The following FMN2 variants were observed in gnomAD, a reference collection of about 807,000 sequenced individuals.
FMN2 encodes the protein formin-2.
Under a neutral mutation model 142.3 loss-of-function variants are expected in FMN2, and 51 were observed. The ratio of observed to expected loss-of-function variants is 0.36; its 90% CI spans 0.29 to 0.45. The LOEUF is 0.45. Among genes scored for constraint, FMN2 ranks in the 20% least tolerant of loss-of-function variants. The probability of loss-of-function intolerance (pLI) is 1.00; values close to 1 mark genes in which losing one functional copy is unlikely to be tolerated. For synonymous variants in FMN2, 882 were observed against 869.8 expected (o/e 1.01, Z -0.25); for missense variants, 1,936 against 2,122.8 (o/e 0.91, Z 1.73).
intron 4 of FMN2, among the ~76,000 whole-genome samples, chr1:240,189,988 A>C (rs889473753): frequency 5.3e-5 from 8 of 152,178 alleles, no homozygotes; most frequent in African/African-American, 1.9e-4. Context: ...ACATACGATA[A>C]TGTCAAAGAG....
At chr1:240,402,502 A>G (rs1674025695) in intron 15 of FMN2, among the ~76,000 whole-genome samples, 1 of 152,262 alleles carries the variant, frequency 6.6e-6, no homozygotes, top group Non-Finnish European at 1.5e-5. Context: ...TGCAAAGCAG[A>G]TGAATATATT....
At chr1:240,187,226 C>T (rs1436702709) in intron 3 of FMN2, among the ~76,000 whole-genome samples, 4 of 141,678 alleles carry the variant, frequency 2.8e-5, no homozygotes, top group Non-Finnish European at 6.0e-5. Flanking sequence ...GCCAAGATCG[C>T]GCCGTTGCAC....
At chr1:240,314,080 A>G (rs1423854015) in intron 8 of FMN2, among the ~76,000 whole-genome samples, 1 of 152,202 alleles carries the variant, frequency 6.6e-6, no homozygotes, top group African/African-American at 2.4e-5. Context: ...AGATGCTGGT[A>G]TCTATTACTG....
At chr1:240,266,994 G>A (rs2883882) in intron 7 of FMN2, among the ~76,000 whole-genome samples, 37,567 of 151,904 alleles carry the variant, frequency 0.25, 5,445 homozygotes, top group East Asian at 0.52. Context: ...TGTAAGAGTC[G>A]TACAAGAAAA....
chr1:240,220,260 C>T (rs904640076), intron 6 of FMN2, among the ~76,000 whole-genome samples: 6 of 152,152 alleles, frequency 3.9e-5, no homozygotes, highest in Non-Finnish European at 8.8e-5. Context: ...GAGTCTCTGA[C>T]AGTTGAGCCA....
At chr1:240,162,781 T>C (rs10802843) in intron 2 of FMN2, among the ~76,000 whole-genome samples, 11,450 of 152,128 alleles carry the variant, frequency 0.075, 508 homozygotes, top group African/African-American at 0.11. Flanking sequence ...CTTTCTCCCT[T>C]CTTTGGGCTA....
At chr1:240,301,175 T>C (rs1167482908) in intron 8 of FMN2, among the ~76,000 whole-genome samples, 1 of 151,602 alleles carries the variant, frequency 6.6e-6, no homozygotes, top group Non-Finnish European at 1.5e-5. Flanking sequence ...TTTCTATTTT[T>C]TTTTTTTAGC....
intron 8 of FMN2, among the ~76,000 whole-genome samples, chr1:240,326,982 G>C (rs766337178): frequency 6.6e-6 from 1 of 152,096 alleles, no homozygotes; most frequent in Non-Finnish European, 1.5e-5. Context: ...TTAAAAGTCT[G>C]TCTTGTAATA....
At chr1:240,383,891 T>C (rs1040156852) in intron 14 of FMN2, among the ~76,000 whole-genome samples, 2 of 150,946 alleles carry the variant, frequency 1.3e-5, no homozygotes, top group African/African-American at 4.9e-5. Flanking sequence ...AAAAAAAATA[T>C]ATATATATAT....
intron 6 of FMN2, among the ~76,000 whole-genome samples, chr1:240,216,525 G>A (rs940927832): frequency 6.6e-6 from 1 of 152,004 alleles, no homozygotes; most frequent in Non-Finnish European, 1.5e-5. Context: ...TTAAATATTT[G>A]TTGGACTTTA....
At chr1:240,401,802 G>T (rs571787233) in intron 15 of FMN2, among the ~76,000 whole-genome samples, 112 of 152,270 alleles carry the variant, frequency 7.4e-4, no homozygotes, top group Non-Finnish European at 1.4e-3. Flanking sequence ...ATGAAAGAAG[G>T]CAGGGCTGCG....
intron 2 of FMN2, among the ~76,000 whole-genome samples, chr1:240,127,002 A>G (rs1233817005): frequency 6.6e-6 from 1 of 152,186 alleles, no homozygotes; most frequent in Non-Finnish European, 1.5e-5. Flanking sequence ...GGGCAAGTCC[A>G]AAGGGCCTTG....
Position 240,333,841 on chromosome 1 carries a change from A to G in FMN2, c.4585-46A>G, listed in dbSNP as rs764814591. The G allele has an allele frequency of 1.3e-5, 18 of 1,416,598 alleles. No individual in the cohort carries two copies. In the South Asian group the frequency reaches 2.1e-4, roughly 17 times the overall value. 87.8% of individuals were successfully genotyped at this position (1,416,598 alleles called of 1,614,324 possible). ...CTTTTTTGGTAACACTTTATATTTAATTAGTTAAAAAATATATTGTCACTG... is the reference window on the plus strand; with the variant it reads ...CTTTTTTGGTAACACTTTATATTTAGTTAGTTAAAAAATATATTGTCACTG... On this transcript the variant is annotated intron_variant, in intron 11 of 17. Coordinates refer to ENST00000319653, the MANE Select transcript of FMN2 (RefSeq NM_020066.5).
At chr1:240,150,317 G>A (rs915538365) in intron 2 of FMN2, among the ~76,000 whole-genome samples, 1 of 152,210 alleles carries the variant, frequency 6.6e-6, no homozygotes, top group Admixed American at 6.5e-5. Context: ...AATCACGCGG[G>A]TGGAAACTGG....
At chr1:240,156,809 C>A (rs1664043720) in intron 2 of FMN2, among the ~76,000 whole-genome samples, 1 of 152,112 alleles carries the variant, frequency 6.6e-6, no homozygotes, top group Admixed American at 6.5e-5. Flanking sequence ...GTAGGAATCA[C>A]TGAGGAAGTG....
chr1:240,152,127 T>C (rs1663809149), intron 2 of FMN2, among the ~76,000 whole-genome samples: 1 of 152,108 alleles, frequency 6.6e-6, no homozygotes, highest in Non-Finnish European at 1.5e-5. Context: ...CTATCAGCAC[T>C]TTTCATATTC....
chr1:240,413,736 G>T (rs2103129790), intron 15 of FMN2, among the ~76,000 whole-genome samples: 1 of 152,282 alleles, frequency 6.6e-6, no homozygotes, highest in East Asian at 1.9e-4. Context: ...TAGGAGATGG[G>T]CCCTGTAGAT....
intron 8 of FMN2, among the ~76,000 whole-genome samples, chr1:240,320,884 G>C (rs184819474): frequency 1.3e-5 from 2 of 152,178 alleles, no homozygotes; most frequent in South Asian, 2.1e-4. Context: ...AGGTAAAAAC[G>C]CTGGTGCCTC....
At chr1:240,182,938 A>G (rs1225639344) in intron 3 of FMN2, among the ~76,000 whole-genome samples, 3 of 148,258 alleles carry the variant, frequency 2.0e-5, no homozygotes, top group African/African-American at 5.0e-5. Context: ...TTTTTTTGAG[A>G]CAGGGTTTAA....
Sources: allele counts gnomAD v4.1 joint callset (sites outside exome capture counted in the v4.1 genomes callset), GRCh38; gene constraint gnomAD v4.1.1; transcripts MANE v1.5; gene names NCBI Gene and HGNC (gene_info 2026-07-23, HGNC 2026-07-21).